The following SLC35F3 variants were observed in gnomAD, a reference collection of about 807,000 sequenced individuals.
The protein encoded by SLC35F3 is solute carrier family 35 member F3.
In SLC35F3, 25 loss-of-function variants were observed where a neutral mutation model predicts 49.9. The observed-to-expected ratio is 0.50, with a 90% CI of 0.37 to 0.70. The LOEUF is 0.70. Ranked by LOEUF, SLC35F3 falls within the 30% of genes least tolerant of loss-of-function variation. SLC35F3 has a pLI of 0.00. For missense variants in SLC35F3, 525 were observed against 639.8 expected, an observed-to-expected ratio of 0.82 and a Z score of 1.94; for synonymous variants, 275 against 265.4, an observed-to-expected ratio of 1.04 and a Z score of -0.35.
At chr1:233,978,446 T>C (rs1663126884) in intron 2 of SLC35F3, among the ~76,000 whole-genome samples, 1 of 152,208 alleles carries the variant, frequency 6.6e-6, no homozygotes, top group African/African-American at 2.4e-5. Flanking sequence ...ATACATTTGT[T>C]TTCCAAAGAA....
rs1242603545 is a variant in SLC35F3 at position 234,323,723 on chromosome 1, G to T, written c.*480G>T. The T allele has an allele frequency of 6.3e-6, 1 of 159,538 alleles. No individual in the cohort carries two copies. Among genetic ancestry groups the T allele is most frequent in the Non-Finnish European group, 1.4e-5 (1 of 72,328 alleles). The allele number at this position is 159,538 out of a possible 1,614,324, so 9.9% of individuals were successfully genotyped here. ...AGATAACTGTCAATTTATTTGGATGGATGGATGGAGGGATGGAAGGAGGGA... is the reference window on the plus strand; with the variant it reads ...AGATAACTGTCAATTTATTTGGATGTATGGATGGAGGGATGGAAGGAGGGA... On this transcript the variant is annotated 3_prime_UTR_variant, in exon 8 of 8. Transcript: ENST00000366618. This position sits in a 1 kb window ranked among gnomAD's most constrained non-coding sequence, Gnocchi z 4.5.
intron 7 of SLC35F3, among the ~76,000 whole-genome samples, chr1:234,321,413 G>A (rs1008560999): frequency 1.3e-5 from 2 of 152,188 alleles, no homozygotes; most frequent in East Asian, 1.9e-4. Context: ...TGAAATAACC[G>A]ATGAGACAGC....
intron 2 of SLC35F3, among the ~76,000 whole-genome samples, chr1:233,941,828 C>G (rs766852064): frequency 3.3e-5 from 5 of 152,120 alleles, no homozygotes; most frequent in Non-Finnish European, 5.9e-5. Context: ...GAAAACTGCA[C>G]CCATTTAATG....
chr1:233,945,163 G>C (rs896684636), intron 2 of SLC35F3, among the ~76,000 whole-genome samples: 4 of 151,788 alleles, frequency 2.6e-5, no homozygotes, highest in Non-Finnish European at 1.5e-5. Flanking sequence ...ACGTCAACCA[G>C]AAAAGGTGAT....
chr1:234,196,191 A>C (rs1014931975), intron 2 of SLC35F3, among the ~76,000 whole-genome samples: 2 of 152,198 alleles, frequency 1.3e-5, no homozygotes, highest in African/African-American at 4.8e-5. Flanking sequence ...GGCAACACCC[A>C]AAAATTACTG....
chr1:234,079,889 T>C (rs1256364069), intron 2 of SLC35F3, among the ~76,000 whole-genome samples: 1 of 152,158 alleles, frequency 6.6e-6, no homozygotes, highest in Non-Finnish European at 1.5e-5. Flanking sequence ...ACACAATATA[T>C]TTGGCTTTTG....
chr1:234,054,069 T>C (rs1664420165), intron 2 of SLC35F3, among the ~76,000 whole-genome samples: 1 of 152,358 alleles, frequency 6.6e-6, no homozygotes, highest in African/African-American at 2.4e-5. Context: ...CTGGCACCCT[T>C]AACATTTTTT....
chr1:233,989,773 A>G (rs1663324051), intron 2 of SLC35F3, among the ~76,000 whole-genome samples: 1 of 152,340 alleles, frequency 6.6e-6, no homozygotes, highest in African/African-American at 2.4e-5. Context: ...GAATCCATTC[A>G]TGAAACATAT....
intron 3 of SLC35F3, among the ~76,000 whole-genome samples, chr1:234,242,374 C>T (rs773115834): frequency 3.9e-5 from 6 of 152,180 alleles, no homozygotes; most frequent in Non-Finnish European, 8.8e-5. Flanking sequence ...TCCTCTGATG[C>T]GTTTTCCAGC....
chr1:234,293,715 C>A (rs1476924276), intron 3 of SLC35F3, among the ~76,000 whole-genome samples: 2 of 152,196 alleles, frequency 1.3e-5, no homozygotes, highest in African/African-American at 4.8e-5. Flanking sequence ...CCCAGACACA[C>A]CAGTCTCCTG....
At chr1:233,932,118 G>A (rs768676517) in intron 2 of SLC35F3, among the ~76,000 whole-genome samples, 1 of 152,084 alleles carries the variant, frequency 6.6e-6, no homozygotes, top group Non-Finnish European at 1.5e-5. Flanking sequence ...GACACAGGGC[G>A]GGGAACATCA....
At chr1:234,031,070 A>C (rs1664055278) in intron 2 of SLC35F3, among the ~76,000 whole-genome samples, 1 of 152,206 alleles carries the variant, frequency 6.6e-6, no homozygotes, top group Non-Finnish European at 1.5e-5. Flanking sequence ...CTTATAGAAG[A>C]GTTTGCTGGG....
At chr1:234,078,979 T>A (rs962438610) in intron 2 of SLC35F3, among the ~76,000 whole-genome samples, 3 of 152,320 alleles carry the variant, frequency 2.0e-5, no homozygotes, top group Non-Finnish European at 4.4e-5. Context: ...AAAGCGGTTC[T>A]AAATTCATAT....
intron 2 of SLC35F3, among the ~76,000 whole-genome samples, chr1:233,931,807 G>T (rs1237356097): frequency 1.3e-5 from 2 of 152,152 alleles, no homozygotes; most frequent in African/African-American, 4.8e-5. Context: ...ATACCCAAAG[G>T]ATTATAAATC....
chr1:233,989,153 T>C (rs1452387383), intron 2 of SLC35F3, among the ~76,000 whole-genome samples: 1 of 152,206 alleles, frequency 6.6e-6, no homozygotes, highest in Non-Finnish European at 1.5e-5. Context: ...CTCCCTGACA[T>C]AGCAAGCTGG....
At chr1:234,019,116 T>G (rs1458597) in intron 2 of SLC35F3, among the ~76,000 whole-genome samples, 3 of 152,050 alleles carry the variant, frequency 2.0e-5, no homozygotes, top group Non-Finnish European at 4.4e-5. Context: ...TGCAGAGAAG[T>G]GTATTCCAGC....
intron 2 of SLC35F3, among the ~76,000 whole-genome samples, chr1:234,186,047 C>T (rs1666638949): frequency 6.6e-6 from 1 of 152,162 alleles, no homozygotes; most frequent in Non-Finnish European, 1.5e-5. Flanking sequence ...TAAGGAGGTC[C>T]CCACTAACAG....
intron 3 of SLC35F3, among the ~76,000 whole-genome samples, chr1:234,307,554 T>C (rs953097622): frequency 3.9e-5 from 6 of 152,250 alleles, no homozygotes; most frequent in African/African-American, 1.2e-4. Context: ...CCTTTGACTC[T>C]TGTTTTTAAT....
At chr1:234,064,859 C>T (rs79824445) in intron 2 of SLC35F3, among the ~76,000 whole-genome samples, 1,650 of 152,006 alleles carry the variant, frequency 0.011, 22 homozygotes, top group African/African-American at 0.036. Context: ...GCATTTACAC[C>T]TGTCTGTATA....
Sources: allele counts gnomAD v4.1 joint callset (sites outside exome capture counted in the v4.1 genomes callset), GRCh38; gene constraint gnomAD v4.1.1; non-coding constraint Gnocchi (gnomAD v3.1); transcripts MANE v1.5; gene names NCBI Gene and HGNC (gene_info 2026-07-23, HGNC 2026-07-21).